EDN3: variants seen among roughly 807,000 people sequenced by gnomAD.
EDN3 encodes endothelin 3, also known as endothelin-3.
A neutral mutation model predicts 21.4 loss-of-function variants in EDN3; 9 were observed. The ratio of observed to expected loss-of-function variants is 0.42; its 90% CI spans 0.25 to 0.73. The LOEUF (loss-of-function observed/expected upper bound fraction) is 0.73. Among genes scored for constraint, EDN3 ranks in the 30% least tolerant of loss-of-function variants. The probability of loss-of-function intolerance (pLI) is 0.26; values close to 1 mark genes in which losing one functional copy is unlikely to be tolerated. For missense variants in EDN3, 327 were observed against 309.4 expected (o/e 1.06, Z -0.43); for synonymous variants, 133 against 126.2 (o/e 1.05, Z -0.36).
In EDN3 at chr20:59,324,620, G is replaced by A; in HGVS notation, c.*161G>A. 1 of 980,360 alleles carries A rather than the reference G, an allele frequency of 1.0e-6. No individual in the cohort carries two copies. Among genetic ancestry groups the A allele is most frequent in the Non-Finnish European group, 1.5e-6 (1 of 653,934 alleles). 60.7% of individuals were successfully genotyped at this position (980,360 alleles called of 1,614,324 possible). A position where few individuals can be genotyped will look rare whatever the true frequency, so the allele number is the denominator to read the frequency against. On this transcript the variant is annotated 3_prime_UTR_variant, in exon 5 of 5. Transcript: ENST00000337938. Reference sequence around the variant, plus strand: ...AATACCCCCCCCCCACGGCAAGAATGCCCAAATCCGAATGACCCCAGTTTT... The same window carrying A: ...AATACCCCCCCCCCACGGCAAGAATACCCAAATCCGAATGACCCCAGTTTT...
In EDN3 at chr20:59,300,877, G is replaced by C. The variant is rs1270264299; in HGVS notation, c.52+13G>C. ...ACCTCCGCCGCAGGTAAGCGCACGG[G>C]GCGGCGCGCCTCTCCTGGCGCGAGC... On this transcript the variant is annotated intron_variant, in intron 1 of 4. Coordinates refer to ENST00000337938, the MANE Select transcript of EDN3 (RefSeq NM_207034.3). The C allele has an allele frequency of 1.2e-6, 2 of 1,609,862 alleles. No homozygotes were observed. The highest frequency in any genetic ancestry group is 1.3e-5 in the African/African-American group (1 of 74,900).
At chr20:59,321,588 A>T (rs901403571) in intron 3 of EDN3, among the ~76,000 whole-genome samples, 1 of 151,634 alleles carries the variant, frequency 6.6e-6, no homozygotes, top group Non-Finnish European at 1.5e-5. Flanking sequence ...CCATGATAAG[A>T]GTGCAAAAGG....
chr20:59,308,219 C>A (rs375331405), intron 2 of EDN3, among the ~76,000 whole-genome samples: 2 of 152,096 alleles, frequency 1.3e-5, no homozygotes, highest in East Asian at 3.9e-4. Context: ...TGAGTCTAGG[C>A]GAGAGGGCGA....
intron 2 of EDN3, among the ~76,000 whole-genome samples, chr20:59,302,284 G>A (rs536208465): frequency 2.3e-4 from 35 of 152,280 alleles, no homozygotes; most frequent in African/African-American, 8.4e-4. Context: ...CCAAGGCAGG[G>A]TGAATTCACA....
chr20:59,320,516 G>A (rs1396352729), intron 2 of EDN3, among the ~76,000 whole-genome samples: 3 of 152,190 alleles, frequency 2.0e-5, no homozygotes, highest in Admixed American at 1.3e-4. Flanking sequence ...ATTCTTTCTC[G>A]GCTTTCCATG....
chr20:59,303,023 C>A (rs1488409188), intron 2 of EDN3, among the ~76,000 whole-genome samples: 1 of 152,192 alleles, frequency 6.6e-6, no homozygotes, highest in Non-Finnish European at 1.5e-5. Flanking sequence ...CCCCACCATG[C>A]TTGAAGGGCA....
At chr20:59,310,416 A>G (rs1989720898) in intron 2 of EDN3, among the ~76,000 whole-genome samples, 1 of 152,230 alleles carries the variant, frequency 6.6e-6, no homozygotes, top group African/African-American at 2.4e-5. Context: ...ACAGACAGCC[A>G]CATGTGAATG....
rs1990798964 is a variant in EDN3 at position 59,325,692 on chromosome 20, G to A, written c.*1233G>A. On this transcript the variant is annotated 3_prime_UTR_variant, in exon 5 of 5. Coordinates refer to ENST00000337938, the MANE Select transcript of EDN3 (RefSeq NM_207034.3). ...ATGAAAGTGGCTGATTTGCTGGTAG[G>A]ATTTTGTACAGTTTAGAGAAGCGAT... 1 of 152,218 alleles carries A rather than the reference G, an allele frequency of 6.6e-6. No individual in the cohort carries two copies. The highest frequency in any genetic ancestry group is 6.5e-5 in the Admixed American group (1 of 15,284). 9.4% of individuals were successfully genotyped at this position (152,218 alleles called of 1,614,324 possible).
rs970107700 is a variant in EDN3 at position 59,324,545 on chromosome 20, A to C, written c.*86A>C. ...AGATTTCCACCTCTTTATAGACAAG[A>C]AGTGAATTTGCCTGGGGCAGAACAC... On this transcript the variant is annotated 3_prime_UTR_variant, in exon 5 of 5. Transcript: ENST00000337938. 1 of 1,597,842 alleles carries C rather than the reference A, an allele frequency of 6.3e-7. No individual in the cohort carries two copies. The highest frequency in any genetic ancestry group is 1.7e-5 in the Admixed American group (1 of 59,836).
At chr20:59,321,392 G>T (rs535116507) in intron 3 of EDN3, among the ~76,000 whole-genome samples, 199 bp downstream of exon 3, 1 of 152,324 alleles carries the variant, frequency 6.6e-6, no homozygotes, top group African/African-American at 2.4e-5. Flanking sequence ...GAGATGCAGC[G>T]TCCCCACCCC....
At chr20:59,312,547 G>C (rs1213299402) in intron 2 of EDN3, among the ~76,000 whole-genome samples, 1 of 152,194 alleles carries the variant, frequency 6.6e-6, no homozygotes, top group East Asian at 1.9e-4. Flanking sequence ...GATGATAAAT[G>C]CTGCGACTTT....
intron 2 of EDN3, among the ~76,000 whole-genome samples, chr20:59,317,909 T>C (rs1454435663): frequency 6.6e-6 from 1 of 152,206 alleles, no homozygotes. Flanking sequence ...GCCCTCTCTT[T>C]TGAGGATCCA....
rs1368748006 is a variant in EDN3, at chr20:59,322,732, G to A, written c.588+315G>A. Among the ~76,000 whole-genome samples, 1 of 152,130 alleles carries A rather than the reference G, an allele frequency of 6.6e-6. No individual in the cohort carries two copies. The highest frequency in any genetic ancestry group is 2.4e-5 in the African/African-American group (1 of 41,430). ...GTCCTGCCTGGATTTCACCTGGCCT[G>A]GACAAAGCTAGTCAACCACCGCTCT... On this transcript the variant is annotated intron_variant, in intron 4 of 4. Coordinates refer to ENST00000337938, the MANE Select transcript of EDN3 (RefSeq NM_207034.3). The surrounding 1 kb of genome is among the most constrained non-coding windows in gnomAD (Gnocchi z 4.1).
At chr20:59,321,551 C>T (rs530802104) in intron 3 of EDN3, among the ~76,000 whole-genome samples, 7 of 152,144 alleles carry the variant, frequency 4.6e-5, no homozygotes, top group Non-Finnish European at 8.8e-5. Flanking sequence ...CTGCCAAATG[C>T]GTATTTTTAG....
Position 59,300,774 on chromosome 20 carries a change from G to A in EDN3, c.-39G>A. The stretch of plus-strand genomic sequence containing the variant: ...TGCCCTTTCGCGGCCACAAGCGGCC[G>A]TCCTCCTGGTCCGGTGCTCCGGCGC... On this transcript the variant is annotated 5_prime_UTR_variant, in exon 1 of 5. Coordinates refer to ENST00000337938, the MANE Select transcript of EDN3 (RefSeq NM_207034.3). 1 of 1,597,666 alleles carries A rather than the reference G, an allele frequency of 6.3e-7. No individual in the cohort carries two copies. The highest frequency in any genetic ancestry group is 8.5e-7 in the Non-Finnish European group (1 of 1,173,718).
chr20:59,318,282 G>C (rs977658256), intron 2 of EDN3, among the ~76,000 whole-genome samples: 1 of 152,234 alleles, frequency 6.6e-6, no homozygotes. Flanking sequence ...GGATGGCGCA[G>C]GATAGCAGAG....
In EDN3 at chr20:59,325,024, C is replaced by G. The variant is rs1456897018; in HGVS notation, c.*565C>G. ...GAGAAATTTTCAGCTGTGCTTGATA[C>G]CCACCAAAAGAATGTATCTCGAAAG... On this transcript the variant is annotated 3_prime_UTR_variant, in exon 5 of 5. Coordinates refer to ENST00000337938, the MANE Select transcript of EDN3 (RefSeq NM_207034.3). 1 of 160,040 alleles carries G rather than the reference C, an allele frequency of 6.2e-6. No homozygotes were observed. The highest frequency in any genetic ancestry group is 1.8e-4 in the South Asian group (1 of 5,586). 9.9% of individuals were successfully genotyped at this position (160,040 alleles called of 1,614,324 possible).
In EDN3 at chr20:59,301,399, G is replaced by C. The variant is rs757505038; in HGVS notation, c.53-11G>C. On this transcript the variant is annotated splice_polypyrimidine_tract_variant and intron_variant, in intron 1 of 4. Transcript: ENST00000337938. ...ACTCAGCTTAGGAGCCCCTCAATCT[G>C]CCTTCTGCAGGATTCGTGCCTTGCT... 1 of 1,607,162 alleles carries C rather than the reference G, an allele frequency of 6.2e-7. No homozygotes were observed. Among genetic ancestry groups the C allele is most frequent in the Non-Finnish European group, 8.5e-7 (1 of 1,179,976 alleles).
At chr20:59,309,869 A>G (rs1429788524) in intron 2 of EDN3, among the ~76,000 whole-genome samples, 1 of 152,228 alleles carries the variant, frequency 6.6e-6, no homozygotes, top group African/African-American at 2.4e-5. Context: ...GAACAAAAAC[A>G]GACTTGGTGG....
Sources: allele counts gnomAD v4.1 joint callset (sites outside exome capture counted in the v4.1 genomes callset), GRCh38; gene constraint gnomAD v4.1.1; non-coding constraint Gnocchi (gnomAD v3.1); transcripts MANE v1.5; gene names NCBI Gene and HGNC (gene_info 2026-07-23, HGNC 2026-07-21).